The following NCAM2 variants were observed in gnomAD, a reference collection of about 807,000 sequenced individuals.
NCAM2 encodes the protein N-CAM-2.
NCAM2 carries 30 observed loss-of-function variants against 98.1 expected under a neutral mutation model. The ratio of observed to expected loss-of-function variants is 0.31; its 90% CI spans 0.23 to 0.41. The LOEUF (loss-of-function observed/expected upper bound fraction) is 0.41, where lower values mean the gene tolerates loss of function less well. NCAM2 is among the 10% of genes least tolerant of loss of function. NCAM2 has a pLI of 1.00. For synonymous variants in NCAM2, 368 were observed against 342.4 expected, an observed-to-expected ratio of 1.07 and a Z score of -0.83; for missense variants, 867 against 1,005.8, an observed-to-expected ratio of 0.86 and a Z score of 1.87.
At chr21:21,468,293 C>T (rs1983986475) in intron 13 of NCAM2, among the ~76,000 whole-genome samples, 1 of 151,710 alleles carries the variant, frequency 6.6e-6, no homozygotes, top group Admixed American at 6.6e-5. Context: ...TTAATAAATG[C>T]TTACAAAACA....
At chr21:21,496,446 T>C (rs542024562) in intron 15 of NCAM2, among the ~76,000 whole-genome samples, 2 of 152,174 alleles carry the variant, frequency 1.3e-5, no homozygotes, top group East Asian at 3.9e-4. Context: ...GTCCTTTGCG[T>C]ATTCTTTAAT....
chr21:21,001,339 T>C (rs2064016755), intron 1 of NCAM2, among the ~76,000 whole-genome samples: 1 of 152,212 alleles, frequency 6.6e-6, no homozygotes, highest in Non-Finnish European at 1.5e-5. Flanking sequence ...AAGCCTCTAA[T>C]TTCCACTGCA....
chr21:21,471,235 C>T (rs1271780517), intron 14 of NCAM2, among the ~76,000 whole-genome samples: 1 of 151,936 alleles, frequency 6.6e-6, no homozygotes, highest in Non-Finnish European at 1.5e-5. Flanking sequence ...CTTCTAGTTT[C>T]ATCATTAAAA....
chr21:21,020,780 A>G (rs1289919267), intron 1 of NCAM2, among the ~76,000 whole-genome samples: 2 of 152,224 alleles, frequency 1.3e-5, no homozygotes, highest in African/African-American at 4.8e-5. Flanking sequence ...TATTATAGGA[A>G]CACTTTTTAA....
At chr21:21,087,363 G>A (rs1181749822) in intron 1 of NCAM2, among the ~76,000 whole-genome samples, 1 of 152,126 alleles carries the variant, frequency 6.6e-6, no homozygotes, top group Non-Finnish European at 1.5e-5. Flanking sequence ...AAAAAGGTCT[G>A]AGTATTTTTC....
At chr21:21,248,810 A>T (rs1184180396) in intron 1 of NCAM2, among the ~76,000 whole-genome samples, 1 of 123,898 alleles carries the variant, frequency 8.1e-6, no homozygotes, top group Non-Finnish European at 1.7e-5. Flanking sequence ...AAAAAAAAAA[A>T]AAAAAAAGAT....
intron 1 of NCAM2, among the ~76,000 whole-genome samples, chr21:21,117,451 T>G (rs1390287012): frequency 1.3e-5 from 2 of 152,186 alleles, no homozygotes; most frequent in Non-Finnish European, 2.9e-5. Context: ...TGCAGCATTA[T>G]GCACAACAGC....
At chr21:21,284,715 T>G (rs942850698) in intron 3 of NCAM2, among the ~76,000 whole-genome samples, 11 of 151,792 alleles carry the variant, frequency 7.2e-5, no homozygotes, top group Non-Finnish European at 1.6e-4. Context: ...TCAGCATTTT[T>G]TTTTTCACTG....
intron 1 of NCAM2, among the ~76,000 whole-genome samples, chr21:21,034,018 T>A (rs773742927): frequency 2.0e-5 from 3 of 149,718 alleles, no homozygotes; most frequent in African/African-American, 7.4e-5. Flanking sequence ...TTGGAGAGAT[T>A]TAGGCTAGAG....
intron 10 of NCAM2, among the ~76,000 whole-genome samples, chr21:21,411,619 G>A (rs1445341397): frequency 1.3e-5 from 2 of 152,012 alleles, no homozygotes; most frequent in African/African-American, 4.8e-5. Flanking sequence ...ATTATGATGC[G>A]GTTAGGAAAA....
intron 1 of NCAM2, among the ~76,000 whole-genome samples, chr21:21,012,215 G>T (rs2064225011): frequency 6.6e-6 from 1 of 152,140 alleles, no homozygotes; most frequent in African/African-American, 2.4e-5. Flanking sequence ...GCAGGATTTA[G>T]AGATAATAGG....
intron 1 of NCAM2, among the ~76,000 whole-genome samples, chr21:21,265,702 T>C (rs978142741): frequency 6.6e-6 from 1 of 151,634 alleles, no homozygotes; most frequent in Admixed American, 6.6e-5. Context: ...AAGTGGGAGC[T>C]AAGCAACGGA....
intron 1 of NCAM2, among the ~76,000 whole-genome samples, chr21:21,178,173 A>G (rs1438326299): frequency 6.6e-6 from 1 of 152,148 alleles, no homozygotes; most frequent in Non-Finnish European, 1.5e-5. Flanking sequence ...AATGAAAAAC[A>G]TTTCACATTT....
chr21:21,418,310 A>G (rs3787600), intron 10 of NCAM2, among the ~76,000 whole-genome samples, 163 bp from the exon 11 acceptor site: 34,646 of 151,994 alleles, frequency 0.23, 4,227 homozygotes, highest in South Asian at 0.29. Context: ...AAAAGGATTT[A>G]TATTATTTAG....
At chr21:21,062,483 A>T (rs114917503) in intron 1 of NCAM2, among the ~76,000 whole-genome samples, 7 of 152,304 alleles carry the variant, frequency 4.6e-5, no homozygotes, top group African/African-American at 1.7e-4. Flanking sequence ...AATGTTGGGC[A>T]TCTATTCAGA....
chr21:21,511,990 G>T (rs1195218705), intron 16 of NCAM2, among the ~76,000 whole-genome samples: 1 of 151,716 alleles, frequency 6.6e-6, no homozygotes, highest in Non-Finnish European at 1.5e-5. Flanking sequence ...GTATATACTG[G>T]TTATTAACTC....
At chr21:21,339,433 T>C (rs1464492240) in intron 8 of NCAM2, among the ~76,000 whole-genome samples, 1 of 152,024 alleles carries the variant, frequency 6.6e-6, no homozygotes, top group Non-Finnish European at 1.5e-5. Flanking sequence ...CAACTTTTCA[T>C]ATGAACTTCA....
chr21:21,029,333 T>G (rs2064622897), intron 1 of NCAM2, among the ~76,000 whole-genome samples: 1 of 152,182 alleles, frequency 6.6e-6, no homozygotes, highest in Non-Finnish European at 1.5e-5. Flanking sequence ...ATAGATTCTT[T>G]CTGATGTAAA....
intron 1 of NCAM2, among the ~76,000 whole-genome samples, chr21:21,098,217 G>C (rs2146476264): frequency 6.6e-6 from 1 of 151,478 alleles, no homozygotes; most frequent in South Asian, 2.1e-4. Context: ...TTGGGGCTTT[G>C]ATGTTTCAGA....
Sources: gnomAD v4.1 joint callset for allele counts (sites outside exome capture counted in the v4.1 genomes callset) on GRCh38, gnomAD v4.1.1 for gene constraint, MANE v1.5 for transcripts, NCBI Gene and HGNC (gene_info 2026-07-23, HGNC 2026-07-21) for gene names.